Variants in HIPK3 observed in about 807,000 individuals in gnomAD.
HIPK3 encodes homeodomain interacting protein kinase 3.
Under a neutral mutation model 124.2 loss-of-function variants are expected in HIPK3, and 47 were observed. The ratio of observed to expected loss-of-function variants is 0.38; its 90% CI spans 0.30 to 0.48. HIPK3 has a LOEUF of 0.48. HIPK3 is among the 20% of genes least tolerant of loss of function. The probability of loss-of-function intolerance (pLI) is 0.98; values close to 1 mark genes in which losing one functional copy is unlikely to be tolerated. For synonymous variants in HIPK3, 482 were observed against 515.2 expected (o/e 0.94, Z 0.87); for missense variants, 1,286 against 1,454.3 (o/e 0.88, Z 1.88).
At chr11:33,261,077 G>C (rs1850806776) in intron 1 of HIPK3, among the ~76,000 whole-genome samples, 1 of 146,986 alleles carries the variant, frequency 6.8e-6, no homozygotes, top group African/African-American at 2.5e-5. Flanking sequence ...TGTGATACCG[G>C]TGTAAGTCTA....
At chr11:33,299,446 C>T (rs914233911) in intron 2 of HIPK3, among the ~76,000 whole-genome samples, 1 of 151,540 alleles carries the variant, frequency 6.6e-6, no homozygotes, top group Non-Finnish European at 1.5e-5. Flanking sequence ...CAATTCCAGC[C>T]TGGGCTGCAG....
intron 1 of HIPK3, among the ~76,000 whole-genome samples, chr11:33,275,744 TTTA>T (rs1851254299): frequency 6.6e-6 from 1 of 152,238 alleles, no homozygotes; most frequent in African/African-American, 2.4e-5. Context: ...ACTTTTAGTC[TTTA>T]TTGATTGAAG....
intron 2 of HIPK3, 21 bp downstream of exon 2, chr11:33,287,532 T>TA (rs1306279365): frequency 6.3e-7 from 1 of 1,582,424 alleles, no homozygotes; most frequent in Non-Finnish European, 8.6e-7. Context: ...ACTCCATACT[T>TA]TTTGGTTGTT....
At chr11:33,268,866 C>T (rs975340823) in intron 1 of HIPK3, among the ~76,000 whole-genome samples, 1 of 152,002 alleles carries the variant, frequency 6.6e-6, no homozygotes, top group African/African-American at 2.4e-5. Context: ...TGCATTAATT[C>T]TATTGGAAGA....
At chr11:33,258,208 C>T in intron 1 of HIPK3, 1 of 688,814 alleles carries the variant, frequency 1.5e-6, no homozygotes, top group Non-Finnish European at 1.8e-6. Context: ...GGCCTCGGCC[C>T]CCCCTCCCCC....
At chr11:33,322,035 C>T (rs759256510) in intron 2 of HIPK3, among the ~76,000 whole-genome samples, 73 of 152,082 alleles carry the variant, frequency 4.8e-4, no homozygotes, top group African/African-American at 1.6e-3. Context: ...AGTCTTGCTC[C>T]GTCACCCAGA....
At chr11:33,257,198 A>C, upstream of HIPK3, 4 of 979,032 alleles carry the variant, frequency 4.1e-6, no homozygotes, top group Non-Finnish European at 4.9e-6. Flanking sequence ...GGCTCCGGGC[A>C]ACAAGGGCGC....
At position 33,356,771 on chromosome 11, in the gene HIPK3, C is replaced by G. The variant is rs1853828823; in HGVS notation, c.*3203C>G. 1 of 152,080 alleles carries G rather than the reference C, an allele frequency of 6.6e-6. No individual in the cohort carries two copies. The highest frequency in any genetic ancestry group is 6.6e-5 in the Admixed American group (1 of 15,256). The allele number at this position is 152,080 out of a possible 1,614,324, so 9.4% of individuals were successfully genotyped here. ...TTTTTGCTTTTACTCCTATGCTACA[C>G]TAGTTTGCCATGTAGCAATTGCACT... On this transcript the variant is annotated 3_prime_UTR_variant, in exon 17 of 17. Transcript: ENST00000303296.
intron 4 of HIPK3, among the ~76,000 whole-genome samples, chr11:33,337,603 AC>A (rs1279050134): frequency 6.9e-6 from 1 of 144,948 alleles, no homozygotes; most frequent in Non-Finnish European, 1.5e-5. Context: ...AGAACTGCCC[AC>A]CTCCGCCTCC....
chr11:33,288,614 C>G (rs1158180670), intron 2 of HIPK3, among the ~76,000 whole-genome samples: 2 of 151,928 alleles, frequency 1.3e-5, no homozygotes, highest in African/African-American at 4.8e-5. Context: ...AAAATAATGC[C>G]CATGTAAGTA....
chr11:33,351,902 A>G lies in HIPK3; in HGVS notation c.3043+59A>G, dbSNP rs1590196942. On this transcript the variant is annotated intron_variant, in intron 15 of 16. Coordinates refer to ENST00000303296, the MANE Select transcript of HIPK3 (RefSeq NM_005734.5). The stretch of plus-strand genomic sequence containing the variant: ...TTTAAATACGGTCTTAATTTAGGAA[A>G]ATCTGAGAATGCAGTTGCCAAAGTC... The G allele has an allele frequency of 5.0e-6, 7 of 1,386,210 alleles. No individual in the cohort carries two copies. In the East Asian group the frequency reaches 1.7e-4, roughly 34 times the overall value. 85.9% of individuals were successfully genotyped at this position (1,386,210 alleles called of 1,614,324 possible). A position where few individuals can be genotyped will look rare whatever the true frequency, so the allele number is the denominator to read the frequency against.
chr11:33,325,308 A>G (rs1019263794), intron 2 of HIPK3, among the ~76,000 whole-genome samples: 1 of 152,188 alleles, frequency 6.6e-6, no homozygotes, highest in African/African-American at 2.4e-5. Flanking sequence ...TTATTGCCAA[A>G]TGCGATACTG....
chr11:33,315,121 A>ATGTTTTGTC (rs1204909153), intron 2 of HIPK3, among the ~76,000 whole-genome samples: 6 of 152,084 alleles, frequency 3.9e-5, no homozygotes, highest in African/African-American at 1.4e-4. Context: ...AGTTACTGAC[A>ATGTTTTGTC]TGTTTTGTCT....
Position 33,311,910 on chromosome 11 carries a change from TACACACAC to T in HIPK3, c.1098-16581_1098-16574del, listed in dbSNP as rs71034671. ...GGGCAACATAGCAAGACCCTGTTTCTACACACACACACACACACACACACACTACACAC... is the reference window on the plus strand; with the variant it reads ...GGGCAACATAGCAAGACCCTGTTTCTACACACACACACACACACTACACAC... On this transcript the variant is annotated intron_variant, in intron 2 of 16. Coordinates refer to ENST00000303296, the MANE Select transcript of HIPK3 (RefSeq NM_005734.5). Among the ~76,000 whole-genome samples, 719 of 114,370 alleles carry T rather than the reference TACACACAC, an allele frequency of 6.3e-3. 16 individuals are homozygous for T. Among genetic ancestry groups the T allele is most frequent in the African/African-American group, 0.023 (666 of 29,240 alleles). 75.0% of individuals were successfully genotyped at this position (114,370 alleles called of 152,430 possible).
chr11:33,353,082 T>TTG lies in HIPK3; in HGVS notation c.3172-7_3172-6dup. 1 of 1,530,792 alleles carries TTG rather than the reference T, an allele frequency of 6.5e-7. No homozygotes were observed. Among genetic ancestry groups the TTG allele is most frequent in the East Asian group, 2.3e-5 (1 of 44,260 alleles). The allele number at this position is 1,530,792 out of a possible 1,614,324, so 94.8% of individuals were successfully genotyped here. ...TTATTCAGTCATTTTTTTTTTTTCTTTGTGGATAGGTTCAGCACTTTGGAT... is the reference window on the plus strand; with the variant it reads ...TTATTCAGTCATTTTTTTTTTTTCTTTGTGTGGATAGGTTCAGCACTTTGGAT... On this transcript the variant is annotated splice_polypyrimidine_tract_variant and intron_variant, in intron 16 of 16. Transcript: ENST00000303296.
At chr11:33,348,848 A>C (rs764914369) in intron 13 of HIPK3, 30 bp downstream of exon 13, 42 of 1,588,816 alleles carry the variant, frequency 2.6e-5, no homozygotes, top group Middle Eastern at 1.7e-4. Flanking sequence ...TCCTCAAAGG[A>C]TATAGATGGC....
chr11:33,340,485 G>T (rs911039716), intron 6 of HIPK3, among the ~76,000 whole-genome samples: 3 of 152,176 alleles, frequency 2.0e-5, no homozygotes, highest in Non-Finnish European at 4.4e-5. Context: ...AATGAAGAAG[G>T]CATGGGAATG....
intron 3 of HIPK3, among the ~76,000 whole-genome samples, chr11:33,331,714 C>T (rs535256704): frequency 9.9e-5 from 15 of 152,194 alleles, no homozygotes; most frequent in East Asian, 1.9e-4. Flanking sequence ...TTTTGCCTTA[C>T]AGTGGCAGTG....
chr11:33,268,696 C>G (rs185644692), intron 1 of HIPK3, among the ~76,000 whole-genome samples: 1 of 150,930 alleles, frequency 6.6e-6, no homozygotes. Flanking sequence ...AGAAAATTTT[C>G]GGGAGTGTTT....
Sources: allele counts gnomAD v4.1 joint callset (sites outside exome capture counted in the v4.1 genomes callset), GRCh38; gene constraint gnomAD v4.1.1; transcripts MANE v1.5; gene names NCBI Gene and HGNC (gene_info 2026-07-23, HGNC 2026-07-21).